The following SMC5 variants were observed in gnomAD, a reference collection of about 807,000 sequenced individuals.
SMC5 encodes structural maintenance of chromosomes protein 5.
A neutral mutation model predicts 148.3 loss-of-function variants in SMC5; 88 were observed. That is an observed-to-expected ratio of 0.59 (90% CI 0.50 to 0.71). The LOEUF (loss-of-function observed/expected upper bound fraction) is 0.71. SMC5 is among the 30% of genes least tolerant of loss of function. The probability of loss-of-function intolerance (pLI) is 0.00; values close to 1 mark genes in which losing one functional copy is unlikely to be tolerated. For synonymous variants in SMC5, 421 were observed against 432.8 expected (o/e 0.97, Z 0.34); for missense variants, 1,142 against 1,298.9 (o/e 0.88, Z 1.86).
intron 1 of SMC5, among the ~76,000 whole-genome samples, chr9:70,261,719 A>G (rs1280683041): frequency 6.6e-6 from 1 of 152,238 alleles, no homozygotes; most frequent in African/African-American, 2.4e-5. Flanking sequence ...TTGAAGAACT[A>G]GAAGACCATG....
intron 18 of SMC5, among the ~76,000 whole-genome samples, chr9:70,345,363 GA>G (rs1442249789): frequency 6.6e-6 from 1 of 151,972 alleles, no homozygotes; most frequent in African/African-American, 2.4e-5. Context: ...TTGGGTAGAT[GA>G]AAACACAAAT....
intron 9 of SMC5, among the ~76,000 whole-genome samples, chr9:70,299,270 AC>A (rs1015852182): frequency 6.6e-6 from 1 of 152,046 alleles, no homozygotes; most frequent in African/African-American, 2.4e-5. Context: ...TCATAGCTGA[AC>A]CAAGTTGTGC....
intron 17 of SMC5, among the ~76,000 whole-genome samples, chr9:70,328,502 T>C (rs1055612043): frequency 6.6e-6 from 1 of 152,210 alleles, no homozygotes; most frequent in Non-Finnish European, 1.5e-5. Flanking sequence ...AAAAAGTCTT[T>C]GACTGCATGT....
intron 24 of SMC5, among the ~76,000 whole-genome samples, chr9:70,351,988 C>T (rs892797624): frequency 2.0e-5 from 3 of 151,892 alleles, no homozygotes; most frequent in Non-Finnish European, 4.4e-5. Flanking sequence ...GGCTGAGGCA[C>T]GAGAATCTCT....
intron 17 of SMC5, among the ~76,000 whole-genome samples, chr9:70,336,109 C>T (rs1275994314): frequency 6.6e-6 from 1 of 152,160 alleles, no homozygotes; most frequent in Non-Finnish European, 1.5e-5. Flanking sequence ...ACATGATTCA[C>T]TGTAACTTAA....
At chr9:70,264,038 AAAAG>A in intron 1 of SMC5, among the ~76,000 whole-genome samples, 1 of 152,330 alleles carries the variant, frequency 6.6e-6, no homozygotes, top group Non-Finnish European at 1.5e-5. Context: ...TAATTATTAA[AAAAG>A]AACAAGGTAT....
intron 12 of SMC5, 106 bp downstream of exon 12, chr9:70,314,942 T>A: frequency 1.4e-6 from 1 of 699,972 alleles, no homozygotes; most frequent in Non-Finnish European, 2.2e-6. Context: ...TAAGATCTCT[T>A]AAGTCGAATA....
intron 1 of SMC5, among the ~76,000 whole-genome samples, chr9:70,261,232 C>T (rs879526214): frequency 2.6e-5 from 4 of 152,236 alleles, no homozygotes; most frequent in Non-Finnish European, 4.4e-5. Context: ...GTTCCGACAT[C>T]ATCCTGTAGG....
intron 15 of SMC5, among the ~76,000 whole-genome samples, chr9:70,320,147 G>A (rs1285767975): frequency 1.3e-5 from 2 of 152,150 alleles, no homozygotes; most frequent in African/African-American, 4.8e-5. Flanking sequence ...AGTCACACAA[G>A]TGCTTTTCCT....
chr9:70,294,209 C>CA (rs1236152790), intron 8 of SMC5, among the ~76,000 whole-genome samples: 2 of 151,980 alleles, frequency 1.3e-5, no homozygotes, highest in Non-Finnish European at 2.9e-5. Flanking sequence ...AGGAAGGCAG[C>CA]AATAAAGGAT....
chr9:70,327,243 T>C (rs2036104217), intron 17 of SMC5, among the ~76,000 whole-genome samples: 3 of 152,196 alleles, frequency 2.0e-5, no homozygotes, highest in African/African-American at 7.2e-5. Context: ...TGATCATCTT[T>C]TCATAACAAA....
intron 8 of SMC5, among the ~76,000 whole-genome samples, chr9:70,289,022 A>G (rs909297533): frequency 6.6e-6 from 1 of 151,784 alleles, no homozygotes; most frequent in Non-Finnish European, 1.5e-5. Flanking sequence ...AACCTACTTG[A>G]TTTAGTTTTT....
chr9:70,347,005 T>A lies in SMC5; in HGVS notation c.2569-61T>A, dbSNP rs568315647. On this transcript the variant is annotated intron_variant, in intron 19 of 24. Coordinates refer to ENST00000361138, the MANE Select transcript of SMC5 (RefSeq NM_015110.4). ...ACTTATTCAGCAGATTATTTTTCTT[T>A]TAACTATTTGAATGGAACTGTTTTC... The A allele has an allele frequency of 7.2e-6, 9 of 1,252,758 alleles. No homozygotes were observed. In the South Asian group the frequency reaches 1.2e-4, roughly 16 times the overall value. The allele number at this position is 1,252,758 out of a possible 1,614,324, so 77.6% of individuals were successfully genotyped here.
intron 2 of SMC5, among the ~76,000 whole-genome samples, chr9:70,266,760 C>T (rs1427360181): frequency 6.6e-6 from 1 of 152,218 alleles, no homozygotes; most frequent in African/African-American, 2.4e-5. Context: ...ACATACTCTA[C>T]ACCATCTGTA....
intron 11 of SMC5, among the ~76,000 whole-genome samples, chr9:70,307,442 CATTT>C (rs1283242084): frequency 6.6e-6 from 1 of 151,854 alleles, no homozygotes; most frequent in Non-Finnish European, 1.5e-5. Flanking sequence ...TCTTCTCCTC[CATTT>C]ATTTGTTTGT....
intron 3 of SMC5, among the ~76,000 whole-genome samples, chr9:70,273,769 TAA>T (rs2034512824): frequency 6.6e-6 from 1 of 152,222 alleles, no homozygotes; most frequent in Non-Finnish European, 1.5e-5. Context: ...GTAGTGCAGT[TAA>T]ATATATAGAG....
chr9:70,285,875 T>C (rs1381695726), intron 7 of SMC5, among the ~76,000 whole-genome samples: 5 of 152,208 alleles, frequency 3.3e-5, no homozygotes, highest in African/African-American at 9.7e-5. Context: ...TAAAGGTTAC[T>C]TGGCCTCTTT....
At chr9:70,313,424 C>T (rs1349581670) in intron 11 of SMC5, among the ~76,000 whole-genome samples, 1 of 152,032 alleles carries the variant, frequency 6.6e-6, no homozygotes, top group Non-Finnish European at 1.5e-5. Flanking sequence ...GAATCAGTTC[C>T]TCTTAGTTGC....
At chr9:70,263,334 T>C (rs1170775133) in intron 1 of SMC5, among the ~76,000 whole-genome samples, 1 of 152,212 alleles carries the variant, frequency 6.6e-6, no homozygotes, top group Non-Finnish European at 1.5e-5. Flanking sequence ...AAAATACGTC[T>C]TTGCCACCTG....
Sources: allele counts gnomAD v4.1 joint callset (sites outside exome capture counted in the v4.1 genomes callset), GRCh38; gene constraint gnomAD v4.1.1; transcripts MANE v1.5; gene names NCBI Gene and HGNC (gene_info 2026-07-23, HGNC 2026-07-21).